KALRN: variants seen among roughly 807,000 people sequenced by gnomAD.
KALRN encodes the protein kalirin RhoGEF kinase.
In KALRN, 70 loss-of-function variants were observed where a neutral mutation model predicts 353.7. That is an observed-to-expected ratio of 0.20 (90% CI 0.16 to 0.24). The LOEUF (loss-of-function observed/expected upper bound fraction) is 0.24, where lower values mean the gene tolerates loss of function less well. KALRN is among the 10% of genes least tolerant of loss of function. The pLI is 1.00. For synonymous variants in KALRN, 1,391 were observed against 1,434.8 expected (o/e 0.97, Z 0.69); for missense variants, 2,791 against 3,756.7 (o/e 0.74, Z 6.72).
In KALRN at chr3:124,437,689, CAAAA is replaced by C. The variant is rs397876079; in HGVS notation, c.3049-1176_3049-1173del. ...TGGGTGAAAAAGCTAGATTCCGTCT[CAAAA>C]AAAAAAAAAAAAAAAAAAAAAAGAC... is the stretch of plus-strand genomic sequence containing the variant. On this transcript the variant is annotated intron_variant, in intron 17 of 59. Transcript: ENST00000682506. 1.0e-3 allele frequency among the ~76,000 whole-genome samples: 50 copies of C among 48,334 alleles called. No individual in the cohort carries two copies. The East Asian group carries it at 0.026, about 26-fold the overall frequency. 31.7% of individuals were successfully genotyped at this position (48,334 alleles called of 152,430 possible).
At chr3:124,041,679 T>C (rs1356464732) in intron 1 of KALRN, among the ~76,000 whole-genome samples, 1 of 152,204 alleles carries the variant, frequency 6.6e-6, no homozygotes, top group African/African-American at 2.4e-5. Flanking sequence ...ATCTCAGGTG[T>C]GCACAGAGAA....
intron 38 of KALRN, among the ~76,000 whole-genome samples, chr3:124,652,691 C>G (rs2083547962): frequency 6.6e-6 from 1 of 152,210 alleles, no homozygotes; most frequent in African/African-American, 2.4e-5. Flanking sequence ...ATTCTTCTGC[C>G]TCAGCCTCCC....
intron 47 of KALRN, among the ~76,000 whole-genome samples, chr3:124,667,887 A>G (rs1269550686): frequency 6.6e-6 from 1 of 152,172 alleles, no homozygotes; most frequent in Non-Finnish European, 1.5e-5. Flanking sequence ...TGGCATGGGA[A>G]AGGGGTATGC....
At chr3:124,554,172 A>G (rs1276081181) in intron 33 of KALRN, among the ~76,000 whole-genome samples, 1 of 152,236 alleles carries the variant, frequency 6.6e-6, no homozygotes, top group Non-Finnish European at 1.5e-5. Flanking sequence ...CCTGGGTAAC[A>G]TGGCGAAACC....
intron 33 of KALRN, among the ~76,000 whole-genome samples, chr3:124,500,147 A>G (rs1231505383): frequency 1.3e-5 from 2 of 152,228 alleles, no homozygotes; most frequent in African/African-American, 4.8e-5. Flanking sequence ...GTGCTGGCTC[A>G]GAAAATCTCC....
chr3:124,421,012 C>T (rs1434007809), intron 14 of KALRN, among the ~76,000 whole-genome samples: 2 of 152,160 alleles, frequency 1.3e-5, no homozygotes, highest in Non-Finnish European at 2.9e-5. Context: ...ATCTGCTGGG[C>T]TTTTAAGTCT....
chr3:124,072,148 T>A (rs1215082355), intron 1 of KALRN, among the ~76,000 whole-genome samples: 1 of 152,216 alleles, frequency 6.6e-6, no homozygotes, highest in Non-Finnish European at 1.5e-5. Flanking sequence ...ATAAATGTAG[T>A]GGGAGAGGAG....
At chr3:124,080,664 C>T (rs908125782) in intron 1 of KALRN, among the ~76,000 whole-genome samples, 1 of 152,154 alleles carries the variant, frequency 6.6e-6, no homozygotes, top group African/African-American at 2.4e-5. Context: ...TCTCCTTGTA[C>T]ACATGTACAA....
chr3:124,108,398 G>A (rs568361642), intron 1 of KALRN, among the ~76,000 whole-genome samples: 1 of 152,270 alleles, frequency 6.6e-6, no homozygotes, highest in South Asian at 2.1e-4. Context: ...ATACTTTTCT[G>A]AGTCTCAGTT....
At chr3:124,100,527 A>G (rs898687060) in intron 1 of KALRN, 3 of 152,242 alleles carry the variant, frequency 2.0e-5, no homozygotes, top group Non-Finnish European at 4.4e-5. Flanking sequence ...AATGGATTAA[A>G]GACTTACGTG....
At chr3:124,494,913 C>T (rs2063541432) in intron 32 of KALRN, among the ~76,000 whole-genome samples, 1 of 152,174 alleles carries the variant, frequency 6.6e-6, no homozygotes, top group Non-Finnish European at 1.5e-5. Context: ...TTATAAAAGC[C>T]CCCTGGGGAA....
At chr3:124,646,224 C>A (rs115945547) in intron 37 of KALRN, among the ~76,000 whole-genome samples, 2 of 151,950 alleles carry the variant, frequency 1.3e-5, no homozygotes, top group Non-Finnish European at 2.9e-5. Context: ...TGGAGTCCTC[C>A]TGTACACCAG....
chr3:124,175,463 G>A (rs1448293792), intron 1 of KALRN, among the ~76,000 whole-genome samples: 1 of 152,050 alleles, frequency 6.6e-6, no homozygotes, highest in East Asian at 1.9e-4. Context: ...ATGCGGAGGT[G>A]CGTGCTGCCG....
chr3:124,363,925 G>A (rs916581245), intron 10 of KALRN, among the ~76,000 whole-genome samples: 2 of 152,258 alleles, frequency 1.3e-5, no homozygotes, highest in Admixed American at 6.5e-5. Context: ...TGCATTTAGA[G>A]TTCTCCATCA....
chr3:124,504,914 G>T (rs1436990649), intron 33 of KALRN: 1 of 508,384 alleles, frequency 2.0e-6, no homozygotes, highest in African/African-American at 1.9e-5. Context: ...TGTTAAAGTG[G>T]ATTAGCTGGA....
intron 10 of KALRN, among the ~76,000 whole-genome samples, chr3:124,379,979 GA>G (rs956921537): frequency 1.8e-4 from 28 of 151,846 alleles, no homozygotes; most frequent in Admixed American, 1.6e-3. Context: ...ATGCTGGCCT[GA>G]AAAAAATAAC....
chr3:124,215,303 C>A (rs983359005), intron 1 of KALRN, among the ~76,000 whole-genome samples: 2 of 152,146 alleles, frequency 1.3e-5, no homozygotes, highest in South Asian at 2.1e-4. Context: ...CAGAGGGAAA[C>A]AATAAAAATT....
rs546134388 is a variant in KALRN, at chr3:124,232,383, C to T, written c.149-2446C>T. ...AGCCTACCCTGACCCTGGACTGCCTCTTGTCTACTGTTCCACCCAAAGAAC... is the reference window on the plus strand; with the variant it reads ...AGCCTACCCTGACCCTGGACTGCCTTTTGTCTACTGTTCCACCCAAAGAAC... On this transcript the variant is annotated intron_variant, in intron 2 of 59. Coordinates refer to ENST00000682506, the MANE Select transcript of KALRN (RefSeq NM_001388419.1). Among the ~76,000 whole-genome samples, 15 of 152,344 alleles carry T rather than the reference C, an allele frequency of 9.8e-5. No individual in the cohort carries two copies. In the South Asian group the frequency reaches 2.9e-3, roughly 29 times the overall value.
intron 3 of KALRN, among the ~76,000 whole-genome samples, chr3:124,246,999 CTG>C (rs1385976766): frequency 1.3e-5 from 2 of 152,128 alleles, no homozygotes; most frequent in African/African-American, 4.8e-5. Context: ...ATCATTTTCA[CTG>C]TGTTTTCTAT....
Sources: gnomAD v4.1 joint callset for allele counts (sites outside exome capture counted in the v4.1 genomes callset) on GRCh38, gnomAD v4.1.1 for gene constraint, MANE v1.5 for transcripts, NCBI Gene and HGNC (gene_info 2026-07-23, HGNC 2026-07-21) for gene names.